MORN1: variants seen among roughly 807,000 people sequenced by gnomAD.
The protein encoded by MORN1 is MORN repeat-containing protein 1.
Under a neutral mutation model 61.9 loss-of-function variants are expected in MORN1, and 67 were observed. The ratio of observed to expected loss-of-function variants is 1.08; its 90% CI spans 0.89 to 1.33. The LOEUF is 1.33. Among genes scored for constraint, MORN1 ranks in the 40% most tolerant of loss-of-function variants. The pLI is 0.00. For missense variants in MORN1, 752 were observed against 691.2 expected (o/e 1.09, Z -0.99); for synonymous variants, 301 against 292.0 (o/e 1.03, Z -0.31).
intron 10 of MORN1, among the ~76,000 whole-genome samples, chr1:2,339,462 C>A (rs1641349433): frequency 6.6e-6 from 1 of 152,228 alleles, no homozygotes; most frequent in Non-Finnish European, 1.5e-5. Context: ...CCGAGGCCGG[C>A]ACCGCACCCG....
intron 7 of MORN1, among the ~76,000 whole-genome samples, chr1:2,373,157 ACT>A (rs910124604): frequency 2.0e-5 from 3 of 151,334 alleles, no homozygotes; most frequent in African/African-American, 7.3e-5. Flanking sequence ...GCCATCCCTG[ACT>A]CTCCCCTATG....
chr1:2,370,640 TAAG>T (rs1320391460), intron 8 of MORN1, among the ~76,000 whole-genome samples: 6 of 151,640 alleles, frequency 4.0e-5, no homozygotes, highest in African/African-American at 1.5e-4. Flanking sequence ...TAGCTAAAAA[TAAG>T]AAGACAACCT....
chr1:2,329,479 T>C (rs966152532), intron 12 of MORN1, among the ~76,000 whole-genome samples: 11 of 152,154 alleles, frequency 7.2e-5, no homozygotes, highest in African/African-American at 2.7e-4. Flanking sequence ...GTCCTGGGAG[T>C]TCTCATCCCT....
chr1:2,380,317 C>T (rs772489673), intron 6 of MORN1, among the ~76,000 whole-genome samples: 3 of 152,120 alleles, frequency 2.0e-5, no homozygotes, highest in South Asian at 4.1e-4. Context: ...GAAATGTGCC[C>T]GTGCCTCCTG....
intron 12 of MORN1, among the ~76,000 whole-genome samples, chr1:2,325,125 T>TCCCTC (rs1488574511): frequency 3.2e-5 from 1 of 30,792 alleles, no homozygotes; most frequent in African/African-American, 2.2e-4. Flanking sequence ...TTCCTTCCCT[T>TCCCTC]CCTTCCTTCC....
intron 10 of MORN1, among the ~76,000 whole-genome samples, chr1:2,342,862 ATTTTATTTATTTTATTTTAT>A (rs1389919755): frequency 8.2e-5 from 9 of 110,270 alleles, no homozygotes; most frequent in African/African-American, 2.7e-4. Flanking sequence ...ATTTTATTTT[ATTTTATTTATTTTATTTTAT>A]TTTATTTTAT....
chr1:2,327,301 GAAAC>G lies in MORN1; in HGVS notation c.1251-3162_1251-3159del, dbSNP rs557058732. Among the ~76,000 whole-genome samples, 11 of 139,648 alleles carry G rather than the reference GAAAC, an allele frequency of 7.9e-5. No individual in the cohort carries two copies. In the East Asian group the frequency reaches 1.4e-3, roughly 18 times the overall value. 91.6% of individuals were successfully genotyped at this position (139,648 alleles called of 152,430 possible). On this transcript the variant is annotated intron_variant, in intron 12 of 13. Transcript: ENST00000378531. ...AGACACAGAAACACACAGAAACACA[GAAAC>G]AAACACAGAGACACAGAAACACACA...
chr1:2,348,687 GCA>G (rs1204455730), intron 10 of MORN1, among the ~76,000 whole-genome samples: 41 of 135,566 alleles, frequency 3.0e-4, no homozygotes, highest in African/African-American at 7.0e-4. Flanking sequence ...GCGCAGGCAC[GCA>G]CACACACGCA....
At chr1:2,385,618 G>A in intron 5 of MORN1, 189 bp downstream of exon 5, 2 of 498,942 alleles carry the variant, frequency 4.0e-6, no homozygotes, top group East Asian at 3.3e-5. Flanking sequence ...GAAAATTACA[G>A]AATAACACCG....
intron 8 of MORN1, among the ~76,000 whole-genome samples, chr1:2,364,823 T>G (rs1158988154): frequency 6.6e-6 from 1 of 152,086 alleles, no homozygotes; most frequent in Non-Finnish European, 1.5e-5. Flanking sequence ...AGGGAATCCT[T>G]TCCCCATTGC....
intron 6 of MORN1, chr1:2,375,443 G>C (rs1642212646): frequency 6.6e-6 from 1 of 152,600 alleles, no homozygotes; most frequent in Non-Finnish European, 1.5e-5. Flanking sequence ...GGGCTGAGGA[G>C]TGTGGCAGAT....
rs1409077525 is a variant in MORN1, at chr1:2,334,057, T to C, written c.1250+2412A>G. 6.6e-6 allele frequency among the ~76,000 whole-genome samples: 1 copy of C among 152,006 alleles called. No homozygotes were observed. Among genetic ancestry groups the C allele is most frequent in the East Asian group, 1.9e-4 (1 of 5,142 alleles). ...CTCACCGCAGAGCAGACAGAAGGCA[T>C]GGGGGTCACAGCTGGGGGAGCCTCA... On this transcript the variant is annotated intron_variant, in intron 12 of 13. Coordinates refer to ENST00000378531, the MANE Select transcript of MORN1 (RefSeq NM_024848.3). The surrounding 1 kb of genome is among the most constrained non-coding windows in gnomAD (Gnocchi z 5.4).
At chr1:2,322,018 A>G in intron 13 of MORN1, 3 of 985,208 alleles carry the variant, frequency 3.0e-6, no homozygotes, top group Non-Finnish European at 3.6e-6. Context: ...TTTTAAAAAT[A>G]ACGAACCCTC....
In MORN1 at chr1:2,358,640, A is replaced by C; in HGVS notation, c.821T>G (p.Phe274Cys). 6.2e-7 allele frequency: 1 copy of C among 1,614,022 alleles called. No homozygotes were observed. Among genetic ancestry groups the C allele is most frequent in the Non-Finnish European group, 8.5e-7 (1 of 1,179,990 alleles). ...TTGGTTGTCTCTGTCCACTTTGAAA[A>C]AGTTGACCTCAGAGTAGGCTGACAG... is the stretch of plus-strand genomic sequence containing the variant. Reference protein sequence around the residue: ...VQLSAYSEVNFFKVDRDNQET... With the variant: ...VQLSAYSEVNCFKVDRDNQET... The change falls in exon 9 of 14, where the codon TTT (phenylalanine) becomes TGT (cysteine). Residue 274 changes from phenylalanine to cysteine, a missense_variant. Phe to Cys is a radical substitution (Grantham distance 205). Transcript: ENST00000378531.
At chr1:2,361,075 C>T (rs1376010557) in intron 8 of MORN1, among the ~76,000 whole-genome samples, 1 of 152,154 alleles carries the variant, frequency 6.6e-6, no homozygotes, top group Non-Finnish European at 1.5e-5. Flanking sequence ...TGTCTGGCAT[C>T]CAATCAAAGA....
chr1:2,323,818 C>T (rs1640936613), intron 13 of MORN1: 1 of 985,152 alleles, frequency 1.0e-6, no homozygotes, highest in Non-Finnish European at 1.2e-6. Flanking sequence ...GTGCTCCCTG[C>T]CCCCGTGGCT....
At chr1:2,336,281 G>C (rs1462973126) in intron 12 of MORN1, among the ~76,000 whole-genome samples, 188 bp downstream of exon 12, 1 of 152,212 alleles carries the variant, frequency 6.6e-6, no homozygotes, top group African/African-American at 2.4e-5. Flanking sequence ...GCAAGTCGCA[G>C]GGCAGCTGTT....
At position 2,323,949 on chromosome 1, in the gene MORN1, T is replaced by A. The variant is rs955357401; in HGVS notation, c.1297+148A>T. The A allele has an allele frequency of 7.1e-5, 94 of 1,321,750 alleles. No homozygotes were observed. In the Admixed American group the frequency reaches 1.4e-3, roughly 20 times the overall value. 81.9% of individuals were successfully genotyped at this position (1,321,750 alleles called of 1,614,324 possible). ...TCCCATTCAGGTCCCTGGGAGGGCC[T>A]GGCTGCTCCCCAGTCCCCCACCCAC... On this transcript the variant is annotated intron_variant, in intron 13 of 13. Coordinates refer to ENST00000378531, the MANE Select transcript of MORN1 (RefSeq NM_024848.3).
At chr1:2,322,129 G>A (rs1557863324) in intron 13 of MORN1, 1 of 985,438 alleles carries the variant, frequency 1.0e-6, no homozygotes, top group Non-Finnish European at 1.2e-6. Context: ...CGGCCCTGCT[G>A]GGGGCACTCG....
Sources: gnomAD v4.1 joint callset for allele counts (sites outside exome capture counted in the v4.1 genomes callset) on GRCh38, gnomAD v4.1.1 for gene constraint, Gnocchi (gnomAD v3.1) non-coding constraint, MANE v1.5 for transcripts, NCBI Gene and HGNC (gene_info 2026-07-23, HGNC 2026-07-21) for gene names.